Variants in CFDP1 observed in about 807,000 individuals in gnomAD.
The protein encoded by CFDP1 is heterochromatin-stabilizing protein CFDP1.
In CFDP1, 31 loss-of-function variants were observed where a neutral mutation model predicts 40.1. The observed-to-expected ratio is 0.77, with a 90% CI of 0.58 to 1.04. CFDP1 has a LOEUF of 1.04. CFDP1 is among the 50% of genes least tolerant of loss of function. The pLI is 0.00. For synonymous variants in CFDP1, 167 were observed against 120.0 expected, an observed-to-expected ratio of 1.39 and a Z score of -2.56; for missense variants, 423 against 343.4, an observed-to-expected ratio of 1.23 and a Z score of -1.83.
At chr16:75,433,254 G>C (rs764227093) in intron 1 of CFDP1, 35 bp downstream of exon 1, 20 of 1,565,152 alleles carry the variant, frequency 1.3e-5, no homozygotes, top group Non-Finnish European at 1.5e-5. Context: ...GTGGGGCGGG[G>C]CAATTCGCTT....
chr16:75,425,341 C>T (rs1042742980), intron 1 of CFDP1, among the ~76,000 whole-genome samples: 1 of 143,468 alleles, frequency 7.0e-6, no homozygotes. Flanking sequence ...GAGCAGAGAT[C>T]GCGCCACTGC....
intron 5 of CFDP1, among the ~76,000 whole-genome samples, chr16:75,318,149 G>A (rs1477479536): frequency 6.6e-6 from 1 of 151,832 alleles, no homozygotes; most frequent in African/African-American, 2.4e-5. Flanking sequence ...ACAAAAAAAA[G>A]AAAAAGGTCA....
intron 5 of CFDP1, among the ~76,000 whole-genome samples, chr16:75,361,016 T>C (rs1407023735): frequency 1.3e-5 from 2 of 152,192 alleles, no homozygotes; most frequent in Admixed American, 6.5e-5. Flanking sequence ...CAATTTTCTT[T>C]TCTTTTTTTC....
rs112552327 is a variant in CFDP1, at chr16:75,399,722, C to T, written c.531-4513G>A. Among the ~76,000 whole-genome samples, 558 of 152,068 alleles carry T rather than the reference C, an allele frequency of 3.7e-3. 4 individuals are homozygous for T. The highest frequency in any genetic ancestry group is 0.013 in the African/African-American group (520 of 41,520). ...AGCAGCCAGGTGCAGTAGCTCGGGC[C>T]TGTAATTCCAGCACTTTGGGAGGCC... On this transcript the variant is annotated intron_variant, in intron 4 of 6. Coordinates refer to ENST00000283882, the MANE Select transcript of CFDP1 (RefSeq NM_006324.3).
intron 4 of CFDP1, among the ~76,000 whole-genome samples, chr16:75,408,230 G>C (rs1368640875): frequency 6.6e-6 from 1 of 151,892 alleles, no homozygotes. Context: ...TGAAAACCCT[G>C]AACTAAATGA....
intron 6 of CFDP1, among the ~76,000 whole-genome samples, chr16:75,294,460 G>C (rs1039507020): frequency 1.3e-5 from 2 of 152,120 alleles, no homozygotes; most frequent in African/African-American, 2.4e-5. Flanking sequence ...GTGGTGTGTT[G>C]AATTGGTGGG....
Position 75,406,379 on chromosome 16 carries a change from A to T in CFDP1, c.530+5446T>A, listed in dbSNP as rs1166868104. 3.9e-5 allele frequency among the ~76,000 whole-genome samples: 6 copies of T among 151,982 alleles called. No homozygotes were observed. The East Asian group carries it at 1.2e-3, about 30-fold the overall frequency. On this transcript the variant is annotated intron_variant, in intron 4 of 6. Transcript: ENST00000283882. ...GCAACAGAGTGAGACCCTGTCTCAA[A>T]AAAATTAAATAAATAAAATATTAAA...
At chr16:75,374,755 T>C (rs1411475187) in intron 5 of CFDP1, among the ~76,000 whole-genome samples, 1 of 152,216 alleles carries the variant, frequency 6.6e-6, no homozygotes, top group Non-Finnish European at 1.5e-5. Flanking sequence ...TTGTTTTTAA[T>C]ACATTTAACC....
intron 5 of CFDP1, among the ~76,000 whole-genome samples, chr16:75,353,591 T>C (rs1211753366): frequency 6.6e-6 from 1 of 151,446 alleles, no homozygotes; most frequent in African/African-American, 2.4e-5. Context: ...CTACTAAAAA[T>C]ACAAAAAATT....
At chr16:75,332,442 G>T (rs2078452970) in intron 5 of CFDP1, among the ~76,000 whole-genome samples, 1 of 151,974 alleles carries the variant, frequency 6.6e-6, no homozygotes, top group South Asian at 2.1e-4. Context: ...TCCAGCCTGG[G>T]TGACAGAGTG....
At chr16:75,359,122 A>C (rs1180753288) in intron 5 of CFDP1, among the ~76,000 whole-genome samples, 1 of 152,230 alleles carries the variant, frequency 6.6e-6, no homozygotes, top group Admixed American at 6.5e-5. Context: ...AATAGACTGA[A>C]TGGAAAAGCA....
Position 75,305,031 on chromosome 16 carries a change from T to C in CFDP1, c.802A>G (p.Lys268Glu). 1 of 1,613,926 alleles carries C rather than the reference T, an allele frequency of 6.2e-7. No individual in the cohort carries two copies. Among genetic ancestry groups the C allele is most frequent in the South Asian group, 1.1e-5 (1 of 91,052 alleles). Residue 268 changes from lysine (K) to glutamate (E), a missense_variant, in exon 6 of 7, where the codon AAA becomes GAA. By Grantham distance (56) the Lys-to-Glu change is moderately conservative. Coordinates refer to ENST00000283882, the MANE Select transcript of CFDP1 (RefSeq NM_006324.3). The stretch of plus-strand genomic sequence containing the variant: ...AAACCTACTCCTTCTTACCCCTCTT[T>C]CCCTCGATTATGGATGGCCAGTTCT... ...GEELAIHNRG[K>E]EGYIERKAFL...
intron 6 of CFDP1, among the ~76,000 whole-genome samples, chr16:75,294,680 C>T (rs2078169589): frequency 6.6e-6 from 1 of 152,134 alleles, no homozygotes; most frequent in East Asian, 1.9e-4. Flanking sequence ...GCAGTATCCT[C>T]CACCCTGTTT....
intron 4 of CFDP1, among the ~76,000 whole-genome samples, chr16:75,397,784 C>T (rs1308072879): frequency 1.3e-5 from 2 of 151,668 alleles, no homozygotes; most frequent in African/African-American, 2.4e-5. Flanking sequence ...CCAGCCTGGG[C>T]GACAGCGAGA....
At chr16:75,395,251 A>G in intron 4 of CFDP1, 42 bp from the exon 5 acceptor site, 1 of 1,603,186 alleles carries the variant, frequency 6.2e-7, no homozygotes, top group South Asian at 1.1e-5. Flanking sequence ...AGAAGAATAA[A>G]GAGAAAGAAA....
At chr16:75,301,114 A>G (rs989906287) in intron 6 of CFDP1, among the ~76,000 whole-genome samples, 1 of 152,206 alleles carries the variant, frequency 6.6e-6, no homozygotes, top group African/African-American at 2.4e-5. Context: ...AAGCGAGCAC[A>G]GGACTCATGG....
At chr16:75,318,619 T>G (rs1359488418) in intron 5 of CFDP1, among the ~76,000 whole-genome samples, 1 of 152,104 alleles carries the variant, frequency 6.6e-6, no homozygotes, top group Non-Finnish European at 1.5e-5. Context: ...TTAGCCAGGA[T>G]GGTCTCGATC....
At chr16:75,352,020 AAAAAAAAAAAAAAG>A (rs1269431174) in intron 5 of CFDP1, among the ~76,000 whole-genome samples, 2 of 148,076 alleles carry the variant, frequency 1.4e-5, no homozygotes, top group African/African-American at 4.9e-5. Context: ...AAAAAAAAAA[AAAAAAAAAAAAAAG>A]AAAAGGTAAA....
At chr16:75,313,579 C>G (rs1022874405) in intron 5 of CFDP1, among the ~76,000 whole-genome samples, 1 of 152,192 alleles carries the variant, frequency 6.6e-6, no homozygotes, top group Non-Finnish European at 1.5e-5. Flanking sequence ...GATCTGCCCG[C>G]CTGGGTCTCC....
Sources: allele counts gnomAD v4.1 joint callset (sites outside exome capture counted in the v4.1 genomes callset), GRCh38; gene constraint gnomAD v4.1.1; transcripts MANE v1.5; gene names NCBI Gene and HGNC (gene_info 2026-07-23, HGNC 2026-07-21).